SALL4: variants seen among roughly 807,000 people sequenced by gnomAD.
SALL4 encodes sal-like protein 4.
SALL4 carries 4 observed loss-of-function variants against 60.8 expected under a neutral mutation model. That is an observed-to-expected ratio of 0.07 (90% CI 0.03 to 0.15). The LOEUF (loss-of-function observed/expected upper bound fraction) is 0.15, where lower values mean the gene tolerates loss of function less well. SALL4 is among the 10% of genes least tolerant of loss of function. SALL4 has a pLI of 1.00. For synonymous variants in SALL4, 580 were observed against 574.9 expected (o/e 1.01, Z -0.13); for missense variants, 1,178 against 1,394.7 (o/e 0.84, Z 2.48).
rs975113692 is a variant in SALL4, at chr20:51,791,507, C to T, written c.976G>A (p.Val326Ile). The T allele has an allele frequency of 4.3e-6, 7 of 1,614,042 alleles. No individual in the cohort carries two copies. The Admixed American group carries it at 5.0e-5, about 12-fold the overall frequency. The part of the protein sequence containing the change: ...KPDGTRVLPN[V>I]MSRLPSALLP... ...AAAGCGCTCGGGAGGCGGGACATGA[C>T]GTTCGGGAGCACCCGGGTCCCATCC... The change falls in exon 2 of 4, where the codon GTC becomes ATC. Residue 326 changes from valine to isoleucine, a missense_variant. By Grantham distance (29) the Val-to-Ile change is conservative. Around this residue, in one of 5 missense-constraint regions of SALL4, gnomAD observed 853 missense variants for 1,036.8 expected, o/e 0.82. Transcript: ENST00000217086. The surrounding 1 kb of genome is among the most constrained non-coding windows in gnomAD (Gnocchi z 4.6).
chr20:51,784,939 T>C (rs534821240), intron 3 of SALL4, among the ~76,000 whole-genome samples: 5 of 152,288 alleles, frequency 3.3e-5, no homozygotes, highest in Non-Finnish European at 7.4e-5. Flanking sequence ...CTCAGAACAT[T>C]TGCATTAGCT....
chr20:51,798,904 C>T (rs528855040), intron 1 of SALL4, among the ~76,000 whole-genome samples: 8 of 152,102 alleles, frequency 5.3e-5, no homozygotes, highest in Admixed American at 3.9e-4. Flanking sequence ...GGCTCTGGGG[C>T]GAGGCAGGAC....
rs560786072 is a variant in SALL4 at position 51,801,922 on chromosome 20, G to C, written c.130+357C>G. Among the ~76,000 whole-genome samples the C allele has an allele frequency of 2.8e-3, 270 of 94,852 alleles. 2 individuals are homozygous for C. Among genetic ancestry groups the C allele is most frequent in the African/African-American group, 6.8e-3 (252 of 37,046 alleles). 62.2% of individuals were successfully genotyped at this position (94,852 alleles called of 152,430 possible). A position where few individuals can be genotyped will look rare whatever the true frequency, so the allele number is the denominator to read the frequency against. ...AGGGAGGGGGACCTAAGTTACAAGG[G>C]GGGGGGGTAACACCAGTGAGGGGAG... is the stretch of plus-strand genomic sequence containing the variant. On this transcript the variant is annotated intron_variant, in intron 1 of 3. Coordinates refer to ENST00000217086, the MANE Select transcript of SALL4 (RefSeq NM_020436.5). The surrounding 1 kb of genome is among the most constrained non-coding windows in gnomAD (Gnocchi z 5.2).
chr20:51,796,734 G>A (rs1382601001), intron 1 of SALL4, among the ~76,000 whole-genome samples: 1 of 152,078 alleles, frequency 6.6e-6, no homozygotes, highest in Non-Finnish European at 1.5e-5. Context: ...AAAATTAGTG[G>A]CCCAATTCAT....
intron 1 of SALL4, 31 bp downstream of exon 1, chr20:51,802,248 C>T (rs201215200): frequency 3.6e-5 from 56 of 1,570,156 alleles, no homozygotes; most frequent in East Asian, 2.7e-4. Flanking sequence ...GGAAGCTCCC[C>T]TCCCCGGGCG....
At position 51,783,704 on chromosome 20, in the gene SALL4, C is replaced by A. The variant is rs539799861; in HGVS notation, c.*561G>T. On this transcript the variant is annotated 3_prime_UTR_variant, in exon 4 of 4. Transcript: ENST00000217086. Reference sequence around the variant, plus strand: ...CAAGTAACAAAGCTACTTTGCAAGACCCGCTTCTTTCCAAAATTAGAAAAA... The same window carrying A: ...CAAGTAACAAAGCTACTTTGCAAGAACCGCTTCTTTCCAAAATTAGAAAAA... 1 of 158,478 alleles carries A rather than the reference C, an allele frequency of 6.3e-6. No homozygotes were observed. The highest frequency in any genetic ancestry group is 1.8e-4 in the South Asian group (1 of 5,590). 9.8% of individuals were successfully genotyped at this position (158,478 alleles called of 1,614,324 possible). A position where few individuals can be genotyped will look rare whatever the true frequency, so the allele number is the denominator to read the frequency against.
chr20:51,800,428 G>C (rs969900091), intron 1 of SALL4, among the ~76,000 whole-genome samples: 9 of 152,200 alleles, frequency 5.9e-5, no homozygotes, highest in Admixed American at 5.2e-4. Flanking sequence ...GGCAGCGCAC[G>C]GCCAGGCCCG....
Position 51,784,050 on chromosome 20 carries a change from T to C in SALL4, c.*215A>G. 1.7e-6 allele frequency: 1 copy of C among 600,498 alleles called. No homozygotes were observed. Among genetic ancestry groups the C allele is most frequent in the Non-Finnish European group, 2.9e-6 (1 of 342,602 alleles). 37.2% of individuals were successfully genotyped at this position (600,498 alleles called of 1,614,324 possible). ...AAAAGAGTCTGTATTTGTTTTGGTATGCATTTTTTTTTTATTTTTTCAACT... is the reference window on the plus strand; with the variant it reads ...AAAAGAGTCTGTATTTGTTTTGGTACGCATTTTTTTTTTATTTTTTCAACT... On this transcript the variant is annotated 3_prime_UTR_variant, in exon 4 of 4. Transcript: ENST00000217086.
At chr20:51,795,394 G>A (rs1192282685) in intron 1 of SALL4, among the ~76,000 whole-genome samples, 3 of 152,022 alleles carry the variant, frequency 2.0e-5, no homozygotes, top group Admixed American at 6.5e-5. Flanking sequence ...GCGACAGAGC[G>A]AGACTCCGTG....
chr20:51,792,459 T>TG, intron 1 of SALL4, 107 bp from the exon 2 acceptor site: 1 of 1,365,946 alleles, frequency 7.3e-7, no homozygotes, highest in Non-Finnish European at 1.0e-6. Flanking sequence ...GAGGCTGAGG[T>TG]GGGCAGATCA....
intron 1 of SALL4, among the ~76,000 whole-genome samples, chr20:51,795,670 G>C (rs181784083): frequency 3.3e-5 from 5 of 151,762 alleles, no homozygotes; most frequent in Admixed American, 6.6e-5. Context: ...CTGCTGGTAC[G>C]AGTGTATAGA....
chr20:51,786,630 A>C (rs1242363224), intron 3 of SALL4, among the ~76,000 whole-genome samples: 1 of 152,208 alleles, frequency 6.6e-6, no homozygotes, highest in Non-Finnish European at 1.5e-5. Context: ...GGAAAATCTG[A>C]ATGTTGATTG....
chr20:51,802,261 C>T lies in SALL4; in HGVS notation c.130+18G>A, dbSNP rs748901544. On this transcript the variant is annotated intron_variant, in intron 1 of 3. Coordinates refer to ENST00000217086, the MANE Select transcript of SALL4 (RefSeq NM_020436.5). The stretch of plus-strand genomic sequence containing the variant: ...CGGGAAGCTCCCCTCCCCGGGCGGG[C>T]GCCCCAGCCCCACTCACCCAGCTCC... 4.4e-6 allele frequency: 7 copies of T among 1,576,656 alleles called. No individual in the cohort carries two copies. The African/African-American group carries it at 6.8e-5, about 15-fold the overall frequency.
rs149863527 is a variant in SALL4 at position 51,791,533 on chromosome 20, G to A, written c.950C>T (p.Pro317Leu). The A allele has an allele frequency of 4.9e-5, 79 of 1,613,942 alleles. No individual in the cohort carries two copies. The African/African-American group carries it at 5.6e-4, about 11-fold the overall frequency. Residue 317 changes from proline to leucine, a missense_variant, in exon 2 of 4, where the codon CCG becomes CTG. By Grantham distance (98) the Pro-to-Leu change is moderately conservative (BLOSUM62 -3). This residue lies in a region of SALL4 where 853 missense variants were observed against 1,036.8 expected (regional missense o/e 0.82). Coordinates refer to ENST00000217086, the MANE Select transcript of SALL4 (RefSeq NM_020436.5). This position sits in a 1 kb window ranked among gnomAD's most constrained non-coding sequence, Gnocchi z 4.6. ...SPGLAPFTLK[P>L]DGTRVLPNVM... ...GTTCGGGAGCACCCGGGTCCCATCCGGCTTCAGAGTGAAGGGTGCCAGCCC... is the reference window on the plus strand; with the variant it reads ...GTTCGGGAGCACCCGGGTCCCATCCAGCTTCAGAGTGAAGGGTGCCAGCCC...
chr20:51,783,111 C>T lies in SALL4; in HGVS notation c.*1154G>A, dbSNP rs1279602956. 1 of 152,154 alleles carries T rather than the reference C, an allele frequency of 6.6e-6. No homozygotes were observed. Among genetic ancestry groups the T allele is most frequent in the Non-Finnish European group, 1.5e-5 (1 of 68,010 alleles). 9.4% of individuals were successfully genotyped at this position (152,154 alleles called of 1,614,324 possible). A position where few individuals can be genotyped will look rare whatever the true frequency, so the allele number is the denominator to read the frequency against. On this transcript the variant is annotated 3_prime_UTR_variant, in exon 4 of 4. Coordinates refer to ENST00000217086, the MANE Select transcript of SALL4 (RefSeq NM_020436.5). The stretch of plus-strand genomic sequence containing the variant: ...CTGTGATGGGAAACACGCCCTTCCA[C>T]GAGTTTCTTCTCGAGCATGAAAACC...
intron 2 of SALL4, among the ~76,000 whole-genome samples, chr20:51,789,445 A>G (rs182413376): frequency 6.6e-6 from 1 of 152,306 alleles, no homozygotes; most frequent in East Asian, 1.9e-4. Context: ...ATGCCCAGAC[A>G]CCATCTTTCT....
intron 1 of SALL4, among the ~76,000 whole-genome samples, chr20:51,799,204 T>C (rs1462593703): frequency 7.2e-5 from 11 of 152,214 alleles, no homozygotes; most frequent in Admixed American, 2.0e-4. Context: ...CAATTCATAG[T>C]AGCCCTTCTA....
At chr20:51,799,752 G>A (rs907371394) in intron 1 of SALL4, among the ~76,000 whole-genome samples, 1 of 152,148 alleles carries the variant, frequency 6.6e-6, no homozygotes, top group Non-Finnish European at 1.5e-5. Flanking sequence ...AGCACAAAGG[G>A]CATTTGAAAC....
rs138604469 is a variant in SALL4 at position 51,792,267 on chromosome 20, G to A, written c.216C>T (p.His72=). ...TVKRLRREET[H]VCEKCCAEFF... is the part of the protein sequence containing the mutation. ...ACTCCGCACAGCATTTCTCACAGAC[G>A]TGCGTCTCCTCCCGACGAAGCCGCT... Residue 72 remains histidine (H), a synonymous_variant, in exon 2 of 4, where the codon CAC becomes CAT. Coordinates refer to ENST00000217086, the MANE Select transcript of SALL4 (RefSeq NM_020436.5). 4.5e-5 allele frequency: 72 copies of A among 1,613,162 alleles called. 1 individual carries two copies. Among genetic ancestry groups the A allele is most frequent in the African/African-American group, 1.2e-4 (9 of 74,996 alleles).
Sources: allele counts gnomAD v4.1 joint callset (sites outside exome capture counted in the v4.1 genomes callset), GRCh38; gene constraint gnomAD v4.1.1; regional missense constraint gnomAD v4.1.1; non-coding constraint Gnocchi (gnomAD v3.1); transcripts MANE v1.5; gene names NCBI Gene and HGNC (gene_info 2026-07-23, HGNC 2026-07-21).